The following SLC37A1 variants were observed in gnomAD, a reference collection of about 807,000 sequenced individuals.
The protein encoded by SLC37A1 is solute carrier family 37 member 1.
A neutral mutation model predicts 75.3 loss-of-function variants in SLC37A1; 49 were observed. The ratio of observed to expected loss-of-function variants is 0.65; its 90% confidence interval spans 0.52 to 0.83. The LOEUF (loss-of-function observed/expected upper bound fraction) is 0.83, where lower values mean the gene tolerates loss of function less well. Ranked by LOEUF, SLC37A1 falls within the 40% of genes least tolerant of loss-of-function variation. The probability of loss-of-function intolerance (pLI) is 0.00; values close to 1 mark genes in which losing one functional copy is unlikely to be tolerated. For synonymous variants in SLC37A1, 268 were observed against 292.1 expected (o/e 0.92, Z 0.84); for missense variants, 566 against 695.0 (o/e 0.81, Z 2.09).
chr21:42,567,006 C>T lies in SLC37A1; in HGVS notation c.1292C>T (p.Ala431Val). The T allele has an allele frequency of 6.2e-7, 1 of 1,608,438 alleles. No homozygotes were observed. The highest frequency in any genetic ancestry group is 8.5e-7 in the Non-Finnish European group (1 of 1,179,920). ...ATIAMLLLSG[A>V]LVSGPYTLIT... ...ACAGCCATGCTGCTGCTCAGCGGAG[C>T]CCTGGTCAGTGGGCCCTACACACTC... is the stretch of plus-strand genomic sequence containing the variant. Residue 431 changes from alanine (A) to valine (V), a missense_variant, in exon 16 of 20, where the codon GCC becomes GTC. Transcript: ENST00000352133.
intron 4 of SLC37A1, 42 bp downstream of exon 4, chr21:42,534,872 C>T (rs917236301): frequency 1.3e-6 from 2 of 1,595,832 alleles, no homozygotes; most frequent in Non-Finnish European, 1.7e-6. Context: ...AAGCGGCTGT[C>T]CTTCCAGCCT....
intron 3 of SLC37A1, among the ~76,000 whole-genome samples, chr21:42,531,894 C>T (rs895293691): frequency 6.6e-6 from 1 of 152,112 alleles, no homozygotes; most frequent in Non-Finnish European, 1.5e-5. Context: ...CTGCGGGGTG[C>T]GGGTGAAGGT....
chr21:42,566,202 C>CGGG (rs951479807), intron 15 of SLC37A1, among the ~76,000 whole-genome samples: 5 of 152,190 alleles, frequency 3.3e-5, no homozygotes, highest in African/African-American at 1.2e-4. Flanking sequence ...GTGGGGCTGG[C>CGGG]GGGGCTGCAG....
chr21:42,511,768 G>A (rs142249637), upstream of SLC37A1, among the ~76,000 whole-genome samples: 26 of 152,130 alleles, frequency 1.7e-4, no homozygotes, highest in African/African-American at 6.3e-4. Context: ...CCTCCAACCT[G>A]GGCAACAGAA....
intron 17 of SLC37A1, among the ~76,000 whole-genome samples, chr21:42,573,834 G>C (rs1203932292): frequency 6.6e-6 from 1 of 151,966 alleles, no homozygotes; most frequent in Non-Finnish European, 1.5e-5. Flanking sequence ...AGTCCCTCTT[G>C]GTAAAATGCA....
chr21:42,567,831 T>C (rs987291617), intron 16 of SLC37A1, among the ~76,000 whole-genome samples: 14 of 152,216 alleles, frequency 9.2e-5, no homozygotes, highest in Admixed American at 2.6e-4. Context: ...TCCTGGCGGC[T>C]GCTCACCGAG....
intron 5 of SLC37A1, 150 bp downstream of exon 5, chr21:42,535,700 C>A: frequency 1.4e-6 from 1 of 690,388 alleles, no homozygotes; most frequent in Non-Finnish European, 2.6e-6. Flanking sequence ...AAAGACGAGG[C>A]CAAGCTTAGG....
intron 11 of SLC37A1, chr21:42,561,660 A>G (rs563342523): frequency 5.8e-6 from 1 of 172,626 alleles, no homozygotes; most frequent in Admixed American, 5.8e-5. Flanking sequence ...CCATGTTTGC[A>G]TTGACTCGAC....
chr21:42,572,675 C>CAAAAAAAAAA (rs1200698297), intron 17 of SLC37A1, among the ~76,000 whole-genome samples: 2 of 18,128 alleles, frequency 1.1e-4, no homozygotes, highest in Admixed American at 8.3e-4. Flanking sequence ...GCCACACACA[C>CAAAAAAAAAA]ACAAAAAAAA....
intron 8 of SLC37A1, among the ~76,000 whole-genome samples, chr21:42,544,828 G>C (rs1245423666): frequency 6.6e-6 from 1 of 152,178 alleles, no homozygotes; most frequent in African/African-American, 2.4e-5. Context: ...CTGTGCCCCT[G>C]CGCTCCAAGT....
intron 19 of SLC37A1, 35 bp from the exon 20 acceptor site, chr21:42,580,310 T>C: frequency 6.2e-7 from 1 of 1,608,430 alleles, no homozygotes; most frequent in Non-Finnish European, 8.5e-7. Flanking sequence ...CACTGCTGGC[T>C]GTTAGAGCAG....
At chr21:42,503,508 C>G (rs572774245) in intron 2 of SLC37A1, among the ~76,000 whole-genome samples, 39 of 152,252 alleles carry the variant, frequency 2.6e-4, no homozygotes, top group African/African-American at 9.1e-4. Flanking sequence ...CTCAGCCTCC[C>G]AAAGTGCTGG....
At chr21:42,508,189 C>A (rs777500794) in intron 2 of SLC37A1, among the ~76,000 whole-genome samples, 1 of 138,416 alleles carries the variant, frequency 7.2e-6, no homozygotes, top group Non-Finnish European at 1.5e-5. Flanking sequence ...AGTGCAATGG[C>A]GCAATCTCAG....
chr21:42,569,939 C>CACT (rs1555887983), intron 17 of SLC37A1, among the ~76,000 whole-genome samples: 1 of 152,164 alleles, frequency 6.6e-6, no homozygotes, highest in African/African-American at 2.4e-5. Context: ...CCCAGCTCCA[C>CACT]GCTGCTGCTG....
intron 2 of SLC37A1, among the ~76,000 whole-genome samples, chr21:42,506,368 G>C (rs975963640): frequency 2.6e-5 from 4 of 152,150 alleles, no homozygotes; most frequent in African/African-American, 9.7e-5. Flanking sequence ...GGGACTTTGT[G>C]GTTCTCTCCT....
intron 3 of SLC37A1, among the ~76,000 whole-genome samples, chr21:42,526,490 A>G (rs1273682259): frequency 6.6e-6 from 1 of 152,232 alleles, no homozygotes; most frequent in African/African-American, 2.4e-5. Context: ...ACTGCCAGAG[A>G]CAGTGCATTC....
Position 42,571,538 on chromosome 21 carries a change from CCT to C in SLC37A1, c.1423+3105_1423+3106del, listed in dbSNP as rs372276108. ...GCGGCGTTCCGTCCCCCTCCCCAGC[CCT>C]CTCTTTCTAGAGGCAGCCAATTTCA... On this transcript the variant is annotated intron_variant, in intron 17 of 19. Coordinates refer to ENST00000352133, the MANE Select transcript of SLC37A1 (RefSeq NM_001320537.2). Among the ~76,000 whole-genome samples, 24 of 152,236 alleles carry C rather than the reference CCT, an allele frequency of 1.6e-4. 1 individual carries two copies. In the East Asian group the frequency reaches 2.5e-3, roughly 16 times the overall value.
At chr21:42,555,798 G>C (rs992354832) in intron 10 of SLC37A1, among the ~76,000 whole-genome samples, 1 of 152,208 alleles carries the variant, frequency 6.6e-6, no homozygotes, top group Non-Finnish European at 1.5e-5. Flanking sequence ...CCATCAAGGA[G>C]CCAGTTATGT....
chr21:42,565,087 G>A (rs1357192307), intron 14 of SLC37A1, among the ~76,000 whole-genome samples: 4 of 152,336 alleles, frequency 2.6e-5, no homozygotes, highest in South Asian at 2.1e-4. Flanking sequence ...TTTGGGATCC[G>A]CAACACCTCC....
Sources: allele counts gnomAD v4.1 joint callset (sites outside exome capture counted in the v4.1 genomes callset), GRCh38; gene constraint gnomAD v4.1.1; transcripts MANE v1.5; gene names NCBI Gene and HGNC (gene_info 2026-07-23, HGNC 2026-07-21).